Variants in PRPSAP2 observed in about 807,000 individuals in gnomAD.
PRPSAP2 encodes phosphoribosyl pyrophosphate synthase-associated protein 2.
PRPSAP2 carries 24 observed loss-of-function variants against 40.6 expected under a neutral mutation model. That is an observed-to-expected ratio of 0.59 (90% confidence interval 0.43 to 0.83). The LOEUF is 0.83. Ranked by LOEUF, PRPSAP2 falls within the 40% of genes least tolerant of loss-of-function variation. The pLI is 0.00. For missense variants in PRPSAP2, 292 were observed against 465.6 expected (o/e 0.63, Z 3.43); for synonymous variants, 149 against 164.7 (o/e 0.90, Z 0.73).
chr17:18,914,855 G>T (rs1261079608), intron 9 of PRPSAP2, among the ~76,000 whole-genome samples: 1 of 151,578 alleles, frequency 6.6e-6, no homozygotes, highest in African/African-American at 2.4e-5. Flanking sequence ...CTCCTGAGTA[G>T]CTAGCACTAC....
Position 18,923,115 on chromosome 17 carries a change from A to T in PRPSAP2, c.734-799A>T, listed in dbSNP as rs182956851. Among the ~76,000 whole-genome samples, 563 of 149,622 alleles carry T rather than the reference A, an allele frequency of 3.8e-3. 12 individuals carry two copies. Among genetic ancestry groups the T allele is most frequent in the East Asian group, 3.8e-3 (19 of 5,002 alleles). On this transcript the variant is annotated intron_variant, in intron 9 of 11. Transcript: ENST00000268835. ...TTTATTTATTTATTTTTTGAGACAG[A>T]GTCTCGCTCTGTCACCCAGGCTAGA...
chr17:18,906,226 GTTTA>G lies in PRPSAP2; in HGVS notation c.585-4873_585-4870del, dbSNP rs750345459. On this transcript the variant is annotated intron_variant, in intron 8 of 11. Transcript: ENST00000268835. ...AGATTGTTTGTTTGTTTGTTTGTTT[GTTTA>G]TTTGAGACAGGGTCTTTCTCTGTTG... 1.2e-3 allele frequency among the ~76,000 whole-genome samples: 182 copies of G among 149,888 alleles called. 2 individuals are homozygous for G. The South Asian group carries it at 0.012, about 10-fold the overall frequency.
At position 18,863,563 on chromosome 17, in the gene PRPSAP2, C is replaced by T. The variant is rs1170317331; in HGVS notation, c.-128-1906C>T. ...CTTTTCTTTATTTGAAACGGAGTCT[C>T]GCTCTGTCGCCCAGGCTGGAGTGCA... On this transcript the variant is annotated intron_variant, in intron 1 of 11. Coordinates refer to ENST00000268835, the MANE Select transcript of PRPSAP2 (RefSeq NM_002767.4). Among the ~76,000 whole-genome samples the T allele has an allele frequency of 1.3e-5, 2 of 151,570 alleles. 1 individual carries two copies.
intron 6 of PRPSAP2, among the ~76,000 whole-genome samples, chr17:18,881,981 C>T (rs533589454): frequency 3.2e-4 from 48 of 151,600 alleles, no homozygotes; most frequent in Non-Finnish European, 5.3e-4. Context: ...GCTGGGACTA[C>T]AGGCACACGC....
chr17:18,874,566 A>G (rs2151898008), intron 5 of PRPSAP2, among the ~76,000 whole-genome samples: 1 of 152,308 alleles, frequency 6.6e-6, no homozygotes, highest in Non-Finnish European at 1.5e-5. Flanking sequence ...CTGTCCTTGC[A>G]TCCTATAGCC....
At chr17:18,886,929 CTTTTTT>C (rs71155365) in intron 7 of PRPSAP2, among the ~76,000 whole-genome samples, 3 of 75,368 alleles carry the variant, frequency 4.0e-5, no homozygotes, top group African/African-American at 5.4e-5. Flanking sequence ...TTCTTTTCTT[CTTTTTT>C]TTTTTTTTTT....
intron 10 of PRPSAP2, among the ~76,000 whole-genome samples, chr17:18,926,357 C>T (rs2041974330): frequency 6.6e-6 from 1 of 151,676 alleles, no homozygotes; most frequent in Non-Finnish European, 1.5e-5. Context: ...ACCTCCACCT[C>T]CTGGGTTCCA....
chr17:18,863,526 C>CTCTTT (rs71155363), intron 1 of PRPSAP2, among the ~76,000 whole-genome samples: 14,170 of 150,968 alleles, frequency 0.094, 839 homozygotes, highest in African/African-American at 0.16. Flanking sequence ...CTTTCTTCTT[C>CTCTTT]TCTTTTCTTT....
At chr17:18,893,590 A>C (rs1340279195) in intron 8 of PRPSAP2, among the ~76,000 whole-genome samples, 2 of 103,866 alleles carry the variant, frequency 1.9e-5, no homozygotes, top group African/African-American at 3.8e-5. Flanking sequence ...CCTCGTTTTT[A>C]AGAAAAAAAA....
At position 18,899,519 on chromosome 17, in the gene PRPSAP2, G is replaced by GTTTT. The variant is rs574203117; in HGVS notation, c.584+9665_584+9668dup. ...TCTGCTGTTGAGTATATCCAACTGA[G>GTTTT]TTTTTTTTTTTTTTTTTTTTTTTTT... On this transcript the variant is annotated intron_variant, in intron 8 of 11. Transcript: ENST00000268835. Among the ~76,000 whole-genome samples the GTTTT allele has an allele frequency of 6.6e-3, 399 of 60,580 alleles. 77 individuals carry two copies. Among genetic ancestry groups the GTTTT allele is most frequent in the East Asian group, 0.015 (33 of 2,196 alleles). The allele number at this position is 60,580 out of a possible 152,430, so 39.7% of individuals were successfully genotyped here.
At chr17:18,908,650 G>T in intron 8 of PRPSAP2, 1 of 719,754 alleles carries the variant, frequency 1.4e-6, no homozygotes. Context: ...CGCCGACTTC[G>T]CCAACGAGTG....
At chr17:18,923,410 A>G (rs1225709917) in intron 9 of PRPSAP2, among the ~76,000 whole-genome samples, 1 of 152,016 alleles carries the variant, frequency 6.6e-6, no homozygotes, top group Non-Finnish European at 1.5e-5. Context: ...CTGGCGTGGA[A>G]TTGCTTTCTC....
chr17:18,925,367 A>G (rs150532202), intron 10 of PRPSAP2, among the ~76,000 whole-genome samples: 1 of 152,320 alleles, frequency 6.6e-6, no homozygotes, highest in Non-Finnish European at 1.5e-5. Flanking sequence ...AAAGCTGCCC[A>G]TCTTGATCCT....
chr17:18,889,131 T>A (rs2039375145), intron 7 of PRPSAP2, among the ~76,000 whole-genome samples: 2 of 152,242 alleles, frequency 1.3e-5, no homozygotes, highest in Admixed American at 6.5e-5. Flanking sequence ...TAAATTAGGC[T>A]TTCCTGTAGA....
intron 5 of PRPSAP2, among the ~76,000 whole-genome samples, chr17:18,875,581 A>AT (rs368993095): frequency 6.6e-6 from 1 of 151,000 alleles, no homozygotes. Context: ...AAAAAAAAAA[A>AT]GGCTGGGCGA....
At chr17:18,918,515 G>A (rs1284868593) in intron 9 of PRPSAP2, among the ~76,000 whole-genome samples, 2 of 152,230 alleles carry the variant, frequency 1.3e-5, no homozygotes, top group Non-Finnish European at 2.9e-5. Context: ...GTATCTGCGG[G>A]GAGCCAACCA....
At chr17:18,891,258 G>A (rs2039528993) in intron 8 of PRPSAP2, among the ~76,000 whole-genome samples, 1 of 152,130 alleles carries the variant, frequency 6.6e-6, no homozygotes, top group Admixed American at 6.6e-5. Flanking sequence ...TTTCACATAA[G>A]TCATTGACGT....
intron 9 of PRPSAP2, among the ~76,000 whole-genome samples, chr17:18,916,764 T>C (rs999429849): frequency 4.6e-5 from 7 of 152,170 alleles, no homozygotes; most frequent in African/African-American, 1.2e-4. Context: ...CACCAGCAGA[T>C]TGGTGTCTGA....
At chr17:18,868,119 A>G (rs2037563404) in intron 4 of PRPSAP2, among the ~76,000 whole-genome samples, 1 of 133,550 alleles carries the variant, frequency 7.5e-6, no homozygotes, top group East Asian at 2.1e-4. Flanking sequence ...CTGTCTCAAA[A>G]ATAAATAAAT....
Sources: allele counts gnomAD v4.1 joint callset (sites outside exome capture counted in the v4.1 genomes callset), GRCh38; gene constraint gnomAD v4.1.1; transcripts MANE v1.5; gene names NCBI Gene and HGNC (gene_info 2026-07-23, HGNC 2026-07-21).